The following EPS15L1 variants were observed in gnomAD, a reference collection of about 807,000 sequenced individuals.
The protein encoded by EPS15L1 is epidermal growth factor receptor pathway substrate 15 like 1, also known as epidermal growth factor receptor substrate 15-like 1.
EPS15L1 carries 43 observed loss-of-function variants against 117.1 expected under a neutral mutation model. The observed-to-expected ratio is 0.37, with a 90% CI of 0.29 to 0.47. The LOEUF (loss-of-function observed/expected upper bound fraction) is 0.47, where lower values mean the gene tolerates loss of function less well. Ranked by LOEUF, EPS15L1 falls within the 20% of genes least tolerant of loss-of-function variation. The probability of loss-of-function intolerance (pLI) is 0.99; values close to 1 mark genes in which losing one functional copy is unlikely to be tolerated. For missense variants in EPS15L1, 981 were observed against 1,164.0 expected, an observed-to-expected ratio of 0.84 and a Z score of 2.29; for synonymous variants, 459 against 470.5, an observed-to-expected ratio of 0.98 and a Z score of 0.32.
At chr19:16,427,142 C>G (rs1001465899) in intron 8 of EPS15L1, among the ~76,000 whole-genome samples, 6 of 152,094 alleles carry the variant, frequency 3.9e-5, no homozygotes, top group Non-Finnish European at 8.8e-5. Flanking sequence ...ATTAGTGACA[C>G]TGGGAAATTT....
chr19:16,396,505 C>A (rs1371469476), intron 16 of EPS15L1, among the ~76,000 whole-genome samples: 1 of 152,128 alleles, frequency 6.6e-6, no homozygotes, highest in Non-Finnish European at 1.5e-5. Context: ...CTCAACTGAT[C>A]CTCCCACCTC....
chr19:16,424,995 T>G, intron 9 of EPS15L1, 88 bp downstream of exon 9: 1 of 1,169,626 alleles, frequency 8.5e-7, no homozygotes, highest in South Asian at 1.2e-5. Flanking sequence ...ATCACAAGCT[T>G]GACCGTTCTG....
chr19:16,453,355 G>A (rs1033520027), intron 1 of EPS15L1, among the ~76,000 whole-genome samples: 12 of 151,898 alleles, frequency 7.9e-5, no homozygotes, highest in Admixed American at 1.3e-4. Context: ...TCTTCCCACC[G>A]GGGCCTCCCA....
intron 20 of EPS15L1, 110 bp from the exon 21 acceptor site, chr19:16,385,321 G>A: frequency 1.1e-6 from 1 of 891,626 alleles, no homozygotes; most frequent in Non-Finnish European, 1.8e-6. Context: ...CAGGAAGGCT[G>A]CATTTATTCA....
chr19:16,366,986 T>C (rs900583631), intron 22 of EPS15L1, among the ~76,000 whole-genome samples: 2 of 152,180 alleles, frequency 1.3e-5, no homozygotes, highest in Admixed American at 6.5e-5. Flanking sequence ...AACTTTAATC[T>C]GCCTCCAGGC....
intron 16 of EPS15L1, among the ~76,000 whole-genome samples, 177 bp from the exon 17 acceptor site, chr19:16,395,644 AC>A (rs976915342): frequency 1.3e-4 from 20 of 152,116 alleles, no homozygotes; most frequent in African/African-American, 3.4e-4. Context: ...CTCTATAAAA[AC>A]AAAAATTTAA....
At chr19:16,360,555 A>C (rs2092037291) in intron 23 of EPS15L1, among the ~76,000 whole-genome samples, 1 of 151,872 alleles carries the variant, frequency 6.6e-6, no homozygotes, top group Non-Finnish European at 1.5e-5. Flanking sequence ...CAGCCCAGGC[A>C]ACACAGCAAG....
At chr19:16,440,205 G>T (rs2093017354) in intron 4 of EPS15L1, among the ~76,000 whole-genome samples, 1 of 152,038 alleles carries the variant, frequency 6.6e-6, no homozygotes. Flanking sequence ...GGCCGAGGTG[G>T]GCAGATCACC....
intron 9 of EPS15L1, among the ~76,000 whole-genome samples, chr19:16,423,561 T>A (rs1291355002): frequency 6.6e-6 from 1 of 151,968 alleles, no homozygotes; most frequent in East Asian, 1.9e-4. Context: ...CAGAGCAAGA[T>A]CCTGTCTCTT....
chr19:16,432,567 CAAAT>C lies in EPS15L1; in HGVS notation c.498+1794_498+1797del, dbSNP rs569246288. On this transcript the variant is annotated intron_variant, in intron 7 of 23. Transcript: ENST00000455140. ...TGGGCAACAGAGCGAGACTCTGTCT[CAAAT>C]AAATAAATAAATAAATAAATACAAA... Among the ~76,000 whole-genome samples the C allele has an allele frequency of 4.6e-5, 7 of 151,248 alleles. No individual in the cohort carries two copies. The East Asian group carries it at 5.9e-4, about 13-fold the overall frequency.
chr19:16,419,576 C>T (rs1366986461), intron 10 of EPS15L1, among the ~76,000 whole-genome samples: 1 of 151,974 alleles, frequency 6.6e-6, no homozygotes, highest in Non-Finnish European at 1.5e-5. Context: ...GCCCTCTCAA[C>T]GAGGGACCTC....
intron 1 of EPS15L1, among the ~76,000 whole-genome samples, chr19:16,453,025 C>T (rs2093161244): frequency 6.6e-6 from 1 of 152,012 alleles, no homozygotes; most frequent in South Asian, 2.1e-4. Flanking sequence ...TGGCCTCGAT[C>T]TCCTGACCTC....
rs572231040 is a variant in EPS15L1, at chr19:16,381,795, G to A, written c.2247+3334C>T. 1.3e-5 allele frequency among the ~76,000 whole-genome samples: 2 copies of A among 152,318 alleles called. No homozygotes were observed. The highest frequency in any genetic ancestry group is 3.9e-4 in the East Asian group (2 of 5,186). On this transcript the variant is annotated intron_variant, in intron 21 of 23. Transcript: ENST00000455140. The surrounding 1 kb of genome is among the most constrained non-coding windows in gnomAD (Gnocchi z 4.2). ...CTGGCCCGTCTGTGGGTGCTTCTGCGATTCATGGAACATGTCCCTGGGCCT... is the reference window on the plus strand; with the variant it reads ...CTGGCCCGTCTGTGGGTGCTTCTGCAATTCATGGAACATGTCCCTGGGCCT...
chr19:16,389,688 T>C (rs1461311741), intron 19 of EPS15L1, among the ~76,000 whole-genome samples: 2 of 152,242 alleles, frequency 1.3e-5, no homozygotes, highest in East Asian at 3.8e-4. Context: ...ATGGAGTTTC[T>C]AATGTATTTA....
chr19:16,440,890 G>C lies in EPS15L1; in HGVS notation c.185C>G (p.Pro62Arg), dbSNP rs1195184073. ...ILGKIWDLAD[P>R]EGKGFLDKQG... ...TTTGTCCAAGAACCCTTTACCTTCT[G>C]GATCGGCCAAGTCCCATATCTGCGG... Residue 62 changes from proline (P) to arginine (R), a missense_variant, in exon 4 of 24, where the codon CCA (proline) becomes CGA (arginine). Transcript: ENST00000455140. 6.2e-7 allele frequency: 1 copy of C among 1,614,130 alleles called. No homozygotes were observed. The highest frequency in any genetic ancestry group is 1.1e-5 in the South Asian group (1 of 91,082).
rs773199928 is a variant in EPS15L1, at chr19:16,437,066, T to A, written c.310-67A>T. Reference sequence around the variant, plus strand: ...TTAAATCATAGGTGGGTGGGTTTGCTGAAAAGGATACACGTTTCAAAGTGC... The same window carrying A: ...TTAAATCATAGGTGGGTGGGTTTGCAGAAAAGGATACACGTTTCAAAGTGC... On this transcript the variant is annotated intron_variant, in intron 5 of 23. Coordinates refer to ENST00000455140, the MANE Select transcript of EPS15L1 (RefSeq NM_001258374.3). 6.2e-5 allele frequency: 87 copies of A among 1,397,418 alleles called. No individual in the cohort carries two copies. In the African/African-American group the frequency reaches 1.2e-3, roughly 19 times the overall value. The allele number at this position is 1,397,418 out of a possible 1,614,324, so 86.6% of individuals were successfully genotyped here.
At chr19:16,440,981 G>A (rs952433058) in intron 3 of EPS15L1, 72 bp from the exon 4 acceptor site, 27 of 1,447,034 alleles carry the variant, frequency 1.9e-5, no homozygotes, top group African/African-American at 1.4e-4. Flanking sequence ...AACCAGAGCC[G>A]CCACCACCCC....
rs146602189 is a variant in EPS15L1, at chr19:16,433,962, C to CACAA, written c.498+402_498+403insTTGT. Among the ~76,000 whole-genome samples, 18 of 148,974 alleles carry CACAA rather than the reference C, an allele frequency of 1.2e-4. No individual in the cohort carries two copies. In the East Asian group the frequency reaches 3.0e-3, roughly 25 times the overall value. On this transcript the variant is annotated intron_variant, in intron 7 of 23. Coordinates refer to ENST00000455140, the MANE Select transcript of EPS15L1 (RefSeq NM_001258374.3). ...TAGGCAACAGAGCAAGACTCCATCT[C>CACAA]ATAAATAAATAAATAAATAAATAAA...
intron 22 of EPS15L1, among the ~76,000 whole-genome samples, chr19:16,364,987 G>A (rs758719816): frequency 1.3e-5 from 2 of 152,224 alleles, no homozygotes; most frequent in South Asian, 2.1e-4. Flanking sequence ...CCCCAGTCTT[G>A]TCCAGGTGGC....
Sources: allele counts gnomAD v4.1 joint callset (sites outside exome capture counted in the v4.1 genomes callset), GRCh38; gene constraint gnomAD v4.1.1; non-coding constraint Gnocchi (gnomAD v3.1); transcripts MANE v1.5; gene names NCBI Gene and HGNC (gene_info 2026-07-23, HGNC 2026-07-21).